The following TBX15 variants were observed in gnomAD, a reference collection of about 807,000 sequenced individuals.
TBX15 encodes T-box transcription factor TBX15.
Under a neutral mutation model 53.9 loss-of-function variants are expected in TBX15, and 18 were observed. That is an observed-to-expected ratio of 0.33 (90% CI 0.23 to 0.49). The LOEUF is 0.49. TBX15 is among the 20% of genes least tolerant of loss of function. TBX15 has a pLI of 0.98. For synonymous variants in TBX15, 295 were observed against 278.0 expected, an observed-to-expected ratio of 1.06 and a Z score of -0.61; for missense variants, 692 against 749.5, an observed-to-expected ratio of 0.92 and a Z score of 0.90.
At chr1:118,940,956 A>C (rs575505476) in intron 1 of TBX15, among the ~76,000 whole-genome samples, 1 of 149,958 alleles carries the variant, frequency 6.7e-6, no homozygotes, top group South Asian at 2.1e-4. Flanking sequence ...CTTGCACCAA[A>C]GGTCCTTCAA....
At chr1:118,958,737 T>C (rs373829600) in intron 1 of TBX15, among the ~76,000 whole-genome samples, 17 of 152,034 alleles carry the variant, frequency 1.1e-4, no homozygotes, top group African/African-American at 3.6e-4. Flanking sequence ...TTCACCAATG[T>C]CTTATCTTAT....
At chr1:118,937,639 T>A (rs1281144717) in intron 1 of TBX15, among the ~76,000 whole-genome samples, 1 of 152,224 alleles carries the variant, frequency 6.6e-6, no homozygotes, top group Non-Finnish European at 1.5e-5. Flanking sequence ...ATGCACAGTG[T>A]TACTTCTGTA....
chr1:118,966,475 G>A (rs1464494752), intron 1 of TBX15, among the ~76,000 whole-genome samples: 5 of 152,090 alleles, frequency 3.3e-5, no homozygotes, highest in Non-Finnish European at 7.3e-5. Context: ...CAATTCCTAG[G>A]AGAACTAGAA....
chr1:118,892,480 G>A (rs1654180281), intron 7 of TBX15, among the ~76,000 whole-genome samples: 3 of 152,152 alleles, frequency 2.0e-5, no homozygotes, highest in Admixed American at 6.6e-5. Context: ...TAAAAGAGGA[G>A]TGTCTAAAGA....
intron 5 of TBX15, among the ~76,000 whole-genome samples, chr1:118,922,358 C>G (rs545225005): frequency 6.6e-6 from 1 of 152,282 alleles, no homozygotes; most frequent in African/African-American, 2.4e-5. Flanking sequence ...GCAATCTATT[C>G]TTTAAAATTG....
chr1:118,886,940 G>A (rs971872651), intron 7 of TBX15, among the ~76,000 whole-genome samples: 13 of 152,146 alleles, frequency 8.5e-5, no homozygotes, highest in African/African-American at 1.4e-4. Context: ...ATGATGCACC[G>A]ACAGACTGAG....
intron 1 of TBX15, among the ~76,000 whole-genome samples, chr1:118,933,829 G>A (rs1351504366): frequency 6.6e-6 from 1 of 152,044 alleles, no homozygotes; most frequent in Admixed American, 6.6e-5. Context: ...ATATATTATT[G>A]TCCTGCTTTT....
intron 4 of TBX15, 147 bp from the exon 5 acceptor site, chr1:118,923,750 T>C: frequency 1.1e-6 from 1 of 916,380 alleles, no homozygotes; most frequent in East Asian, 2.6e-5. Context: ...TCAGTATACT[T>C]GCCCAGGAAG....
chr1:118,972,120 C>A (rs1222516948), intron 1 of TBX15, among the ~76,000 whole-genome samples: 1 of 152,168 alleles, frequency 6.6e-6, no homozygotes, highest in African/African-American at 2.4e-5. Flanking sequence ...CACAGAAACA[C>A]CCTGGTGCCA....
In TBX15 at chr1:118,987,748, A is replaced by T; in HGVS notation, c.48T>A (p.His16Gln). ...RSAVALSSRA[H>Q]AFSVEALIGS... ...CGATCAAGGCTTCAACGGAGAAGGC[A>T]TGTGCTCGCGAGCTCAGGGCGACTG... is the stretch of plus-strand genomic sequence containing the variant. The change falls in exon 1 of 8, where the codon CAT (histidine) becomes CAA (glutamine). Residue 16 changes from histidine to glutamine, a missense_variant. This residue lies in a region of TBX15 where 307 missense variants were observed against 347.5 expected (regional missense o/e 0.88). Coordinates refer to ENST00000369429, the MANE Select transcript of TBX15 (RefSeq NM_001330677.2). 6.5e-7 allele frequency: 1 copy of T among 1,550,322 alleles called. No homozygotes were observed. Among genetic ancestry groups the T allele is most frequent in the East Asian group, 2.4e-5 (1 of 40,902 alleles).
chr1:118,920,179 C>G (rs763907895), intron 5 of TBX15, among the ~76,000 whole-genome samples: 1 of 152,136 alleles, frequency 6.6e-6, no homozygotes, highest in Non-Finnish European at 1.5e-5. Flanking sequence ...GTAAAAGGTA[C>G]AACTTTTGTT....
chr1:118,966,124 T>C (rs1447281178), intron 1 of TBX15, among the ~76,000 whole-genome samples: 12 of 152,192 alleles, frequency 7.9e-5, no homozygotes, highest in Non-Finnish European at 2.9e-5. Context: ...TCACAGCCTA[T>C]TAGAGAATAG....
chr1:118,979,964 C>G (rs1034866469), intron 1 of TBX15, among the ~76,000 whole-genome samples: 2 of 152,164 alleles, frequency 1.3e-5, no homozygotes, highest in African/African-American at 4.8e-5. Flanking sequence ...CGCGGCGCCT[C>G]CAAGGCCGGG....
intron 1 of TBX15, among the ~76,000 whole-genome samples, chr1:118,946,247 T>A (rs1454635063): frequency 6.6e-6 from 1 of 152,096 alleles, no homozygotes; most frequent in Non-Finnish European, 1.5e-5. Context: ...AGATGAATAT[T>A]TTTATAAAGA....
intron 6 of TBX15, among the ~76,000 whole-genome samples, chr1:118,904,355 G>T (rs1185279060): frequency 3.3e-5 from 5 of 152,236 alleles, no homozygotes; most frequent in African/African-American, 9.6e-5. Context: ...CACTGGATCT[G>T]AAATAGAATT....
intron 1 of TBX15, among the ~76,000 whole-genome samples, chr1:118,976,976 C>G (rs775443557): frequency 6.6e-6 from 1 of 152,168 alleles, no homozygotes; most frequent in Non-Finnish European, 1.5e-5. Context: ...GAATAATAGG[C>G]TTTGTGCTAA....
At chr1:118,974,734 T>C (rs10802069) in intron 1 of TBX15, among the ~76,000 whole-genome samples, 85,923 of 151,934 alleles carry the variant, frequency 0.57, 24,962 homozygotes, top group Non-Finnish European at 0.61. Context: ...CTAAATAGAG[T>C]TGTTACAAAA....
At chr1:118,926,825 C>A (rs540379992) in intron 2 of TBX15, among the ~76,000 whole-genome samples, 1 of 152,230 alleles carries the variant, frequency 6.6e-6, no homozygotes, top group East Asian at 1.9e-4. Flanking sequence ...TCTGCCTTAG[C>A]CTCCCGAGTA....
At chr1:118,960,572 C>A (rs754853910) in intron 1 of TBX15, among the ~76,000 whole-genome samples, 65 of 152,240 alleles carry the variant, frequency 4.3e-4, no homozygotes, top group South Asian at 1.7e-3. Flanking sequence ...AATTGAGCGA[C>A]CAGGAGGCCA....
Sources: allele counts gnomAD v4.1 joint callset (sites outside exome capture counted in the v4.1 genomes callset), GRCh38; gene constraint gnomAD v4.1.1; regional missense constraint gnomAD v4.1.1; transcripts MANE v1.5; gene names NCBI Gene and HGNC (gene_info 2026-07-23, HGNC 2026-07-21).